Variants in NRBP2 observed in about 807,000 individuals in gnomAD.
NRBP2 encodes nuclear receptor-binding protein 2.
Under a neutral mutation model 74.4 loss-of-function variants are expected in NRBP2, and 47 were observed. The ratio of observed to expected loss-of-function variants is 0.63; its 90% CI spans 0.50 to 0.81. NRBP2 has a LOEUF of 0.81. NRBP2 is among the 30% of genes least tolerant of loss of function. The pLI, the probability that NRBP2 is intolerant of heterozygous loss-of-function variation, is 0.00. For missense variants in NRBP2, 613 were observed against 690.1 expected (o/e 0.89, Z 1.25); for synonymous variants, 312 against 273.8 (o/e 1.14, Z -1.38).
intron 14 of NRBP2, among the ~76,000 whole-genome samples, 194 bp downstream of exon 14, chr8:143,836,845 C>CG (rs1310679597): frequency 6.6e-6 from 1 of 151,886 alleles, no homozygotes; most frequent in African/African-American, 2.4e-5. Context: ...GGGAGCCTCC[C>CG]GGAAAAGGAG....
chr8:143,838,152 G>A, intron 10 of NRBP2: 1 of 425,210 alleles, frequency 2.4e-6, no homozygotes, highest in East Asian at 5.5e-5. Context: ...CTCGCCACCA[G>A]CCCCGACCAG....
intron 14 of NRBP2, 76 bp downstream of exon 14, chr8:143,836,961 AAG>A: frequency 6.6e-7 from 1 of 1,505,648 alleles, no homozygotes; most frequent in African/African-American, 1.4e-5. Context: ...TGCAGGCCCT[AAG>A]AGAAGGAGGG....
chr8:143,837,106 G>A lies in NRBP2; in HGVS notation c.1196C>T (p.Pro399Leu), dbSNP rs1554652017. 1 of 1,612,362 alleles carries A rather than the reference G, an allele frequency of 6.2e-7. No individual in the cohort carries two copies. The highest frequency in any genetic ancestry group is 1.3e-5 in the African/African-American group (1 of 74,816). ...RPLGLPRVLA[P>L]PPEEVQKAKT... ...GGCCTTTTGGACCTCCTCCGGGGGTGGGGCCAGCACACGGGGCAGCCCCAG... is the reference window on the plus strand; with the variant it reads ...GGCCTTTTGGACCTCCTCCGGGGGTAGGGCCAGCACACGGGGCAGCCCCAG... The change falls in exon 14 of 18, where the codon CCA becomes CTA. Residue 399 changes from proline (P) to leucine (L), a missense_variant. Around this residue, in one of 2 missense-constraint regions of NRBP2, gnomAD observed 281 missense variants for 260.9 expected, o/e 1.08. Transcript: ENST00000442628. This position sits in a 1 kb window ranked among gnomAD's most constrained non-coding sequence, Gnocchi z 4.3.
chr8:143,835,750 T>TG lies in NRBP2; in HGVS notation c.1438-21dup, dbSNP rs782753132. On this transcript the variant is annotated intron_variant, in intron 17 of 17. Transcript: ENST00000442628. The surrounding 1 kb of genome is among the most constrained non-coding windows in gnomAD (Gnocchi z 4.9). ...GTCGTCCTGCGGAAGGAGGGAGGCA[T>TG]GGGGGACGGAGGGGCGCGGCCTGCC... The TG allele has an allele frequency of 6.3e-7, 1 of 1,596,338 alleles. No homozygotes were observed. The highest frequency in any genetic ancestry group is 1.1e-5 in the South Asian group (1 of 88,790).
chr8:143,839,861 G>T lies in NRBP2; in HGVS notation c.355-36C>A, dbSNP rs1554653228. On this transcript the variant is annotated intron_variant, in intron 3 of 17. Coordinates refer to ENST00000442628, the MANE Select transcript of NRBP2 (RefSeq NM_178564.4). This position sits in a 1 kb window ranked among gnomAD's most constrained non-coding sequence, Gnocchi z 5.1. ...CGAGCTCAGGATTTCCACCAGCTGC[G>T]GGTTCGTCCCCATGCCCGCCCCACC... 1 of 1,535,378 alleles carries T rather than the reference G, an allele frequency of 6.5e-7. No homozygotes were observed. Among genetic ancestry groups the T allele is most frequent in the Admixed American group, 2.0e-5 (1 of 50,994 alleles).
Position 143,836,150 on chromosome 8 carries a change from T to C in NRBP2, c.1294A>G (p.Ser432Gly). 6.3e-6 allele frequency: 10 copies of C among 1,595,894 alleles called. No homozygotes were observed. The highest frequency in any genetic ancestry group is 7.7e-6 in the Non-Finnish European group (9 of 1,174,046). Residue 432 changes from serine (S) to glycine (G), a missense_variant, in exon 15 of 18, where the codon AGC becomes GGC. Physicochemically the swap from Ser to Gly is moderately conservative, Grantham distance 56. This residue lies in a region of NRBP2 where 281 missense variants were observed against 260.9 expected (regional missense o/e 1.08). Transcript: ENST00000442628. ...ACATGCCAGCGCGCCTTGTCCTCGCTTCTCTCCAGGTTGCACTGCATCTGG... is the reference window on the plus strand; with the variant it reads ...ACATGCCAGCGCGCCTTGTCCTCGCCTCTCTCCAGGTTGCACTGCATCTGG... ...VIQMQCNLER[S>G]EDKARWHLTL...
Position 143,837,845 on chromosome 8 carries a change from T to A in NRBP2, c.841-90A>T, listed in dbSNP as rs782332254. The A allele has an allele frequency of 5.5e-5, 81 of 1,485,220 alleles. 1 individual carries two copies. The Middle Eastern group carries it at 3.1e-3, about 56-fold the overall frequency. The allele number at this position is 1,485,220 out of a possible 1,614,324, so 92.0% of individuals were successfully genotyped here. ...GGAGAGGTGGCCCCTGAGTTCCCCA[T>A]GTCCCTCCTCAGGGACACACAGGAC... On this transcript the variant is annotated intron_variant, in intron 10 of 17. Transcript: ENST00000442628. The surrounding 1 kb of genome is among the most constrained non-coding windows in gnomAD (Gnocchi z 4.3).
rs1554651402 is a variant in NRBP2, at chr8:143,835,774, C to T, written c.1438-44G>A. On this transcript the variant is annotated intron_variant, in intron 17 of 17. Transcript: ENST00000442628. This position sits in a 1 kb window ranked among gnomAD's most constrained non-coding sequence, Gnocchi z 4.9. ...ATGGGGGACGGAGGGGCGCGGCCTGCCCCGTGCGCCCCCTCCGCCAGGCCG... is the reference window on the plus strand; with the variant it reads ...ATGGGGGACGGAGGGGCGCGGCCTGTCCCGTGCGCCCCCTCCGCCAGGCCG... 1 of 1,601,628 alleles carries T rather than the reference C, an allele frequency of 6.2e-7. No homozygotes were observed.
In NRBP2 at chr8:143,835,840, G is replaced by A; in HGVS notation, c.1417C>T (p.His473Tyr). Residue 473 changes from histidine (H) to tyrosine (Y), a missense_variant, in exon 17 of 18, where the codon CAC (histidine) becomes TAC (tyrosine). Physicochemically the swap from His to Tyr is moderately conservative, Grantham distance 83. Around this residue, in one of 2 missense-constraint regions of NRBP2, gnomAD observed 281 missense variants for 260.9 expected, o/e 1.08. Transcript: ENST00000442628. The surrounding 1 kb of genome is among the most constrained non-coding windows in gnomAD (Gnocchi z 4.9). ...CGCACCTCGTGGAGGAAGCCATAGT[G>A]CACGAGCTCCGAGGCGAGGTCCTGG... The part of the protein sequence containing the change: ...SAQDLASELV[H>Y]YGFLHEDDRM... The A allele has an allele frequency of 6.2e-7, 1 of 1,601,950 alleles. No homozygotes were observed. Among genetic ancestry groups the A allele is most frequent in the Non-Finnish European group, 8.5e-7 (1 of 1,176,506 alleles).
At chr8:143,832,400 A>C (rs1233579015), downstream of NRBP2, among the ~76,000 whole-genome samples, 5 of 152,126 alleles carry the variant, frequency 3.3e-5, no homozygotes, top group African/African-American at 1.2e-4. Flanking sequence ...CCCCAGCCCG[A>C]CACCCGTAAA....
rs890101066 is a variant in NRBP2, at chr8:143,837,836, A to C, written c.841-81T>G. On this transcript the variant is annotated intron_variant, in intron 10 of 17. Coordinates refer to ENST00000442628, the MANE Select transcript of NRBP2 (RefSeq NM_178564.4). This position sits in a 1 kb window ranked among gnomAD's most constrained non-coding sequence, Gnocchi z 4.3. Reference sequence around the variant, plus strand: ...GCAGTTCGAGGAGAGGTGGCCCCTGAGTTCCCCATGTCCCTCCTCAGGGAC... The same window carrying C: ...GCAGTTCGAGGAGAGGTGGCCCCTGCGTTCCCCATGTCCCTCCTCAGGGAC... The C allele has an allele frequency of 1.1e-5, 16 of 1,513,318 alleles. No homozygotes were observed. In the Admixed American group the frequency reaches 1.6e-4, roughly 15 times the overall value. The allele number at this position is 1,513,318 out of a possible 1,614,324, so 93.7% of individuals were successfully genotyped here.
rs782389605 is a variant in NRBP2 at position 143,833,905 on chromosome 8, G to A, written c.*1757C>T. ...TTTGAGTTGGAAGGCGTGAGAATTTGAATAATTTTGTAAATAGTATTGGAA... is the reference window on the plus strand; with the variant it reads ...TTTGAGTTGGAAGGCGTGAGAATTTAAATAATTTTGTAAATAGTATTGGAA... On this transcript the variant is annotated 3_prime_UTR_variant, in exon 18 of 18. Transcript: ENST00000442628. 9 of 152,206 alleles carry A rather than the reference G, an allele frequency of 5.9e-5. No homozygotes were observed. Among genetic ancestry groups the A allele is most frequent in the Non-Finnish European group, 1.2e-4 (8 of 68,040 alleles). 9.4% of individuals were successfully genotyped at this position (152,206 alleles called of 1,614,324 possible).
At chr8:143,836,472 G>C (rs1293555895) in intron 14 of NRBP2, among the ~76,000 whole-genome samples, 3 of 152,024 alleles carry the variant, frequency 2.0e-5, no homozygotes, top group Non-Finnish European at 4.4e-5. Flanking sequence ...GCGCCGAAGT[G>C]CACGGTGCCT....
Position 143,839,675 on chromosome 8 carries a change from G to C in NRBP2, c.444+61C>G. ...CGCCGGGCACCCCCTCACCATCCCA[G>C]TCCCCGAGGCTGCCCCAACCCCGTC... On this transcript the variant is annotated intron_variant, in intron 4 of 17. Transcript: ENST00000442628. The surrounding 1 kb of genome is among the most constrained non-coding windows in gnomAD (Gnocchi z 5.1). 6 of 1,529,228 alleles carry C rather than the reference G, an allele frequency of 3.9e-6. No individual in the cohort carries two copies. The highest frequency in any genetic ancestry group is 4.4e-6 in the Non-Finnish European group (5 of 1,142,816). The allele number at this position is 1,529,228 out of a possible 1,614,324, so 94.7% of individuals were successfully genotyped here.
rs1818272310 is a variant in NRBP2 at position 143,834,420 on chromosome 8, G to A, written c.*1242C>T. 1 of 152,238 alleles carries A rather than the reference G, an allele frequency of 6.6e-6. No individual in the cohort carries two copies. Among genetic ancestry groups the A allele is most frequent in the African/African-American group, 2.4e-5 (1 of 41,458 alleles). 9.4% of individuals were successfully genotyped at this position (152,238 alleles called of 1,614,324 possible). A position where few individuals can be genotyped will look rare whatever the true frequency, so the allele number is the denominator to read the frequency against. On this transcript the variant is annotated 3_prime_UTR_variant, in exon 18 of 18. Coordinates refer to ENST00000442628, the MANE Select transcript of NRBP2 (RefSeq NM_178564.4). ...TGGATTCTGCCAGCAGCCTGAAGGA[G>A]CAGGAGACAGAGTCTCCCCTAGAAC...
In NRBP2 at chr8:143,840,644, CCTCCAGGCCCCTCCCG is replaced by C; in HGVS notation, c.129+46_129+61del. ...CCCAGCGCCCCCACGCCCCGCGCAG[CCTCCAGGCCCCTCCCG>C]CTCTGGGAGGGCGGTGTCACCCCGT... is the stretch of plus-strand genomic sequence containing the variant. On this transcript the variant is annotated intron_variant, in intron 1 of 17. Coordinates refer to ENST00000442628, the MANE Select transcript of NRBP2 (RefSeq NM_178564.4). The surrounding 1 kb of genome is among the most constrained non-coding windows in gnomAD (Gnocchi z 5.7). 1 of 1,346,370 alleles carries C rather than the reference CCTCCAGGCCCCTCCCG, an allele frequency of 7.4e-7. No individual in the cohort carries two copies. Among genetic ancestry groups the C allele is most frequent in the African/African-American group, 1.5e-5 (1 of 64,906 alleles). 83.4% of individuals were successfully genotyped at this position (1,346,370 alleles called of 1,614,324 possible). A position where few individuals can be genotyped will look rare whatever the true frequency, so the allele number is the denominator to read the frequency against.
chr8:143,840,634 C>T lies in NRBP2; in HGVS notation c.129+72G>A. 7.5e-7 allele frequency: 1 copy of T among 1,328,522 alleles called. No individual in the cohort carries two copies. The highest frequency in any genetic ancestry group is 9.8e-7 in the Non-Finnish European group (1 of 1,019,250). 82.3% of individuals were successfully genotyped at this position (1,328,522 alleles called of 1,614,324 possible). A position where few individuals can be genotyped will look rare whatever the true frequency, so the allele number is the denominator to read the frequency against. ...GCCGCGCTCTCCCAGCGCCCCCACG[C>T]CCCGCGCAGCCTCCAGGCCCCTCCC... On this transcript the variant is annotated intron_variant, in intron 1 of 17. Coordinates refer to ENST00000442628, the MANE Select transcript of NRBP2 (RefSeq NM_178564.4). The surrounding 1 kb of genome is among the most constrained non-coding windows in gnomAD (Gnocchi z 5.7).
In NRBP2 at chr8:143,840,654, C is replaced by T. The variant is rs1368377392; in HGVS notation, c.129+52G>A. ...CCACGCCCCGCGCAGCCTCCAGGCC[C>T]CTCCCGCTCTGGGAGGGCGGTGTCA... On this transcript the variant is annotated intron_variant, in intron 1 of 17. Coordinates refer to ENST00000442628, the MANE Select transcript of NRBP2 (RefSeq NM_178564.4). The surrounding 1 kb of genome is among the most constrained non-coding windows in gnomAD (Gnocchi z 5.7). The T allele has an allele frequency of 2.8e-6, 4 of 1,414,664 alleles. No individual in the cohort carries two copies. The highest frequency in any genetic ancestry group is 3.7e-6 in the Non-Finnish European group (4 of 1,077,522). 87.6% of individuals were successfully genotyped at this position (1,414,664 alleles called of 1,614,324 possible). A position where few individuals can be genotyped will look rare whatever the true frequency, so the allele number is the denominator to read the frequency against.
chr8:143,835,461 G>A lies in NRBP2; in HGVS notation c.*201C>T. On this transcript the variant is annotated 3_prime_UTR_variant, in exon 18 of 18. Transcript: ENST00000442628. The surrounding 1 kb of genome is among the most constrained non-coding windows in gnomAD (Gnocchi z 4.9). ...TCCTAAGGACCTGGGAGGCCTAACG[G>A]CTCCCCCACACCCACCCCCCAACCC... The A allele has an allele frequency of 3.1e-6, 2 of 655,362 alleles. No homozygotes were observed. The highest frequency in any genetic ancestry group is 3.4e-5 in the South Asian group (2 of 59,566). 40.6% of individuals were successfully genotyped at this position (655,362 alleles called of 1,614,324 possible).
Sources: allele counts gnomAD v4.1 joint callset (sites outside exome capture counted in the v4.1 genomes callset), GRCh38; gene constraint gnomAD v4.1.1; regional missense constraint gnomAD v4.1.1; non-coding constraint Gnocchi (gnomAD v3.1); transcripts MANE v1.5; gene names NCBI Gene and HGNC (gene_info 2026-07-23, HGNC 2026-07-21).